Variants in SGK1 observed in about 807,000 individuals in gnomAD.
SGK1 encodes serum/glucocorticoid regulated kinase 1.
A neutral mutation model predicts 64.2 loss-of-function variants in SGK1; 26 were observed. The observed-to-expected ratio is 0.40, with a 90% CI of 0.30 to 0.56. The LOEUF is 0.56. SGK1 is among the 20% of genes least tolerant of loss of function. SGK1 has a pLI of 0.38. For synonymous variants in SGK1, 265 were observed against 239.7 expected (o/e 1.11, Z -0.98); for missense variants, 519 against 645.6 (o/e 0.80, Z 2.12).
At chr6:134,236,786 C>T (rs921128709) in intron 2 of SGK1, among the ~76,000 whole-genome samples, 3 of 152,100 alleles carry the variant, frequency 2.0e-5, no homozygotes, top group Non-Finnish European at 2.9e-5. Flanking sequence ...TTTAGACAGA[C>T]TAATTGCAGA....
chr6:134,262,097 G>T lies in SGK1; in HGVS notation c.121C>A (p.Pro41Thr), dbSNP rs774002649. 4 of 1,612,212 alleles carry T rather than the reference G, an allele frequency of 2.5e-6. No individual in the cohort carries two copies. The South Asian group carries it at 4.4e-5, about 18-fold the overall frequency. ...GAGGAGCCGGTGTACTTCAGGCTGG[G>T]ACTCTGATGCTTGTCCACACTGACC... ...PMVSVDKHQS[P>T]SLKYTGSSMV... The change falls in exon 2 of 14, where the codon CCC becomes ACC. Residue 41 changes from proline to threonine, a missense_variant. Transcript: ENST00000367858.
At chr6:134,246,218 G>C (rs1366891826) in intron 2 of SGK1, among the ~76,000 whole-genome samples, 1 of 151,436 alleles carries the variant, frequency 6.6e-6, no homozygotes, top group African/African-American at 2.4e-5. Context: ...GCACTATCTC[G>C]GCTCACTGCA....
At chr6:134,300,616 T>TAAA (rs1484334895) in intron 1 of SGK1, among the ~76,000 whole-genome samples, 1 of 147,128 alleles carries the variant, frequency 6.8e-6, no homozygotes, top group African/African-American at 2.5e-5. Context: ...AGAAAGGAGT[T>TAAA]AAAAATAAAT....
intron 2 of SGK1, among the ~76,000 whole-genome samples, chr6:134,207,707 G>A (rs907000309): frequency 3.3e-5 from 5 of 152,182 alleles, no homozygotes; most frequent in South Asian, 2.1e-4. Context: ...GCACATGGGC[G>A]CTGGAGCTCA....
At chr6:134,209,557 C>G (rs1775851497) in intron 2 of SGK1, among the ~76,000 whole-genome samples, 1 of 152,200 alleles carries the variant, frequency 6.6e-6, no homozygotes, top group Non-Finnish European at 1.5e-5. Flanking sequence ...TGCAAATATT[C>G]TATAGTTTCA....
intron 3 of SGK1, chr6:134,175,452 G>T (rs1775201877): frequency 1.5e-6 from 2 of 1,317,086 alleles, no homozygotes; most frequent in Middle Eastern, 2.6e-4. Context: ...CGGGACCCCG[G>T]CCCCGAGAAC....
chr6:134,295,728 G>A lies in SGK1; in HGVS notation c.69+21664C>T, dbSNP rs534042516. On this transcript the variant is annotated intron_variant, in intron 1 of 13. Transcript: ENST00000367858. ...AGAAAAAAAAAAAAAAAGCCCTATA[G>A]ATGGCAACCTGGAGGATTCTATGGG... Among the ~76,000 whole-genome samples, 21 of 149,654 alleles carry A rather than the reference G, an allele frequency of 1.4e-4. No individual in the cohort carries two copies. The South Asian group carries it at 4.4e-3, about 31-fold the overall frequency.
At chr6:134,199,282 G>A (rs188147199) in intron 3 of SGK1, among the ~76,000 whole-genome samples, 2 of 152,234 alleles carry the variant, frequency 1.3e-5, no homozygotes, top group Non-Finnish European at 2.9e-5. Flanking sequence ...ATGCTGGCCC[G>A]GCATGGTGGC....
chr6:134,207,380 T>C lies in SGK1; in HGVS notation c.337A>G (p.Thr113Ala). 1 of 1,610,720 alleles carries C rather than the reference T, an allele frequency of 6.2e-7. No individual in the cohort carries two copies. The highest frequency in any genetic ancestry group is 8.5e-7 in the Non-Finnish European group (1 of 1,177,048). The part of the protein sequence containing the change: ...ANILTKPDPR[T>A]FWTNDDPAFM... ...CCTGGATCATCATTAGTCCAGAAGGTTCTTGGATCGGGCTTGGTCAGGATG... is the reference window on the plus strand; with the variant it reads ...CCTGGATCATCATTAGTCCAGAAGGCTCTTGGATCGGGCTTGGTCAGGATG... Residue 113 changes from threonine (T) to alanine (A), a missense_variant, in exon 3 of 14, where the codon ACC becomes GCC. Around this residue, in one of 2 missense-constraint regions of SGK1, gnomAD observed 241 missense variants for 236.9 expected, o/e 1.02. Transcript: ENST00000367858.
At chr6:134,193,134 C>G (rs1203696818) in intron 3 of SGK1, among the ~76,000 whole-genome samples, 3 of 152,168 alleles carry the variant, frequency 2.0e-5, no homozygotes, top group African/African-American at 7.2e-5. Context: ...TCATGTCTTA[C>G]ATATTTTAAA....
intron 2 of SGK1, among the ~76,000 whole-genome samples, chr6:134,232,399 GAAAA>G (rs1269832570): frequency 4.4e-3 from 46 of 10,368 alleles, no homozygotes; most frequent in African/African-American, 7.5e-3. Context: ...AAAGAAAGAA[GAAAA>G]AGAAAGAAAG....
At chr6:134,179,581 G>C (rs1775300932) in intron 3 of SGK1, among the ~76,000 whole-genome samples, 1 of 149,612 alleles carries the variant, frequency 6.7e-6, no homozygotes, top group Non-Finnish European at 1.5e-5. Flanking sequence ...TGGCAATGGT[G>C]GTTATTTAAA....
chr6:134,305,561 A>G (rs1335437860), intron 1 of SGK1, among the ~76,000 whole-genome samples: 2 of 138,920 alleles, frequency 1.4e-5, no homozygotes, highest in African/African-American at 5.4e-5. Flanking sequence ...TGACAGAGCG[A>G]GACCCTGTCT....
intron 1 of SGK1, among the ~76,000 whole-genome samples, chr6:134,292,891 T>C (rs1270371793): frequency 6.6e-6 from 1 of 152,188 alleles, no homozygotes; most frequent in Non-Finnish European, 1.5e-5. Context: ...ATGATCAAAA[T>C]GTCAGAGTTC....
chr6:134,311,851 A>G (rs1222628226), intron 1 of SGK1, among the ~76,000 whole-genome samples: 1 of 152,190 alleles, frequency 6.6e-6, no homozygotes, highest in East Asian at 1.9e-4. Flanking sequence ...TCCGGGAAGC[A>G]TGATCAAACA....
chr6:134,236,283 A>G (rs1369468262), intron 2 of SGK1, among the ~76,000 whole-genome samples: 2 of 152,126 alleles, frequency 1.3e-5, no homozygotes, highest in Non-Finnish European at 2.9e-5. Flanking sequence ...CTCTTCCTGT[A>G]ATTGCCTCTA....
At chr6:134,255,574 ATTTTTTTT>A (rs11318242) in intron 2 of SGK1, among the ~76,000 whole-genome samples, 10 of 78,846 alleles carry the variant, frequency 1.3e-4, no homozygotes, top group East Asian at 3.9e-4. Flanking sequence ...AGAGATTTTG[ATTTTTTTT>A]TTTTTTTTTT....
intron 1 of SGK1, among the ~76,000 whole-genome samples, chr6:134,276,977 G>C (rs1313742818): frequency 6.6e-6 from 1 of 152,140 alleles, no homozygotes; most frequent in African/African-American, 2.4e-5. Context: ...TTGAGCCCAG[G>C]AGGTTGAGGC....
At chr6:134,264,051 G>A (rs1166080782) in intron 1 of SGK1, among the ~76,000 whole-genome samples, 2 of 151,878 alleles carry the variant, frequency 1.3e-5, no homozygotes, top group Non-Finnish European at 2.9e-5. Flanking sequence ...GCACAGTGTT[G>A]TTATGGAGTA....
Sources: allele counts gnomAD v4.1 joint callset (sites outside exome capture counted in the v4.1 genomes callset), GRCh38; gene constraint gnomAD v4.1.1; regional missense constraint gnomAD v4.1.1; transcripts MANE v1.5; gene names NCBI Gene and HGNC (gene_info 2026-07-23, HGNC 2026-07-21).